Variants in OPHN1 observed in about 807,000 individuals in gnomAD.
OPHN1 encodes the protein oligophrenin 1.
In OPHN1, 11 loss-of-function variants were observed where a neutral mutation model predicts 60.7. The observed-to-expected ratio is 0.18, with a 90% CI of 0.11 to 0.30. The LOEUF (loss-of-function observed/expected upper bound fraction) is 0.30. Ranked by LOEUF, OPHN1 falls within the 10% of genes least tolerant of loss-of-function variation. OPHN1 has a pLI of 1.00. For missense variants in OPHN1, 449 were observed against 611.0 expected, an observed-to-expected ratio of 0.73 and a Z score of 2.80; for synonymous variants, 226 against 222.6, an observed-to-expected ratio of 1.02 and a Z score of -0.14.
Position 68,096,997 on chromosome X carries a change from G to T in OPHN1, c.1559C>A (p.Thr520Asn), listed in dbSNP as rs1287296404. 8 of 1,207,488 alleles carry T rather than the reference G, an allele frequency of 6.6e-6. No homozygotes were observed. The African/African-American group carries it at 1.4e-4, about 21-fold the overall frequency. ...AAAGATTACTCCCATGTTGGAGGGG[G>T]TCATAAGATTCTCTTTGCTGTGCTC... ...VCEHSKENLM[T>N]PSNMGVIFGP... The change falls in exon 19 of 25, where the codon ACC (threonine) becomes AAC (asparagine). Residue 520 changes from threonine to asparagine, a missense_variant. Around this residue, in one of 4 missense-constraint regions of OPHN1, gnomAD observed 166 missense variants for 278.4 expected, o/e 0.60. Transcript: ENST00000355520.
chrX:68,080,484 A>G (rs756439640), intron 19 of OPHN1, among the ~76,000 whole-genome samples: 1 of 112,317 alleles, frequency 8.9e-6, no homozygotes, highest in East Asian at 2.8e-4. Flanking sequence ...CTGGGCACCC[A>G]TGCCTACCTT....
At chrX:68,132,749 AAAAAAAG>A (rs1251971595) in intron 15 of OPHN1, 13 of 133,213 alleles carry the variant, frequency 9.8e-5, no homozygotes, top group South Asian at 3.5e-4. Flanking sequence ...CAAAAAAAAA[AAAAAAAG>A]AAAAAAAGAA....
chrX:68,372,962 C>T (rs1418090708), intron 2 of OPHN1, among the ~76,000 whole-genome samples: 2 of 111,371 alleles, frequency 1.8e-5, no homozygotes, highest in African/African-American at 6.5e-5. Flanking sequence ...CTCGGGGAGA[C>T]AAAGGAGAGT....
At chrX:68,301,392 G>T (rs1180762166) in intron 2 of OPHN1, among the ~76,000 whole-genome samples, 1 of 98,023 alleles carries the variant, frequency 1.0e-5, no homozygotes, top group Admixed American at 1.2e-4. Context: ...GTTGCAGCGA[G>T]CCGAGATCAT....
intron 5 of OPHN1, among the ~76,000 whole-genome samples, chrX:68,236,340 G>A (rs938600365): frequency 8.9e-6 from 1 of 111,791 alleles, no homozygotes; most frequent in Non-Finnish European, 1.9e-5. Flanking sequence ...ACCAAGGACC[G>A]ATAAGATTCT....
At chrX:68,241,728 C>T (rs908859194) in intron 5 of OPHN1, among the ~76,000 whole-genome samples, 8 of 110,637 alleles carry the variant, frequency 7.2e-5, no homozygotes, top group Middle Eastern at 4.2e-3. Flanking sequence ...AAGACTAGCC[C>T]GGCCAACATG....
intron 2 of OPHN1, among the ~76,000 whole-genome samples, chrX:68,349,710 A>G (rs1182627359): frequency 8.9e-6 from 1 of 112,052 alleles, no homozygotes; most frequent in Non-Finnish European, 1.9e-5. Flanking sequence ...CATATACACC[A>G]TGGAATCCTA....
chrX:68,211,933 G>A (rs375153507), intron 8 of OPHN1, among the ~76,000 whole-genome samples, 175 bp downstream of exon 8: 23 of 112,122 alleles, frequency 2.1e-4, no homozygotes, highest in African/African-American at 6.5e-4. Flanking sequence ...CAGGAAAGAT[G>A]TGAAAGTGGA....
chrX:68,392,843 G>A (rs1433692926), intron 2 of OPHN1, among the ~76,000 whole-genome samples: 4 of 109,058 alleles, frequency 3.7e-5, no homozygotes, highest in Non-Finnish European at 7.6e-5. Flanking sequence ...CTTCCCACTC[G>A]ATCCCCCCTT....
chrX:68,192,686 G>A (rs969113700), intron 15 of OPHN1: 1 of 391,764 alleles, frequency 2.6e-6, no homozygotes, highest in Non-Finnish European at 4.5e-6. Context: ...GAAAGAAGTT[G>A]TATTGCTGAG....
chrX:68,213,401 T>G (rs1171536104), intron 7 of OPHN1, among the ~76,000 whole-genome samples: 1 of 110,236 alleles, frequency 9.1e-6, no homozygotes, highest in African/African-American at 3.3e-5. Context: ...CAAAACGAAG[T>G]AAATGGAATG....
At chrX:68,338,588 T>C (rs2078335319) in intron 2 of OPHN1, among the ~76,000 whole-genome samples, 1 of 111,840 alleles carries the variant, frequency 8.9e-6, no homozygotes, top group African/African-American at 3.2e-5. Flanking sequence ...CAACTCAGTC[T>C]GTAAGGCCAG....
chrX:68,286,260 A>G (rs1431014922), intron 3 of OPHN1, among the ~76,000 whole-genome samples: 2 of 111,784 alleles, frequency 1.8e-5, no homozygotes, highest in African/African-American at 3.3e-5. Flanking sequence ...TGAAACCACT[A>G]AAGTCTCTGG....
rs774903073 is a variant in OPHN1 at position 68,053,783 on chromosome X, C to T, written c.2186G>A (p.Arg729Gln). The T allele has an allele frequency of 8.3e-7, 1 of 1,209,998 alleles. No individual in the cohort carries two copies. The highest frequency in any genetic ancestry group is 1.1e-6 in the Non-Finnish European group (1 of 895,069). The change falls in exon 22 of 25, where the codon CGG becomes CAG. Residue 729 changes from arginine to glutamine, a missense_variant. By Grantham distance (43) the Arg-to-Gln change is conservative. Coordinates refer to ENST00000355520, the MANE Select transcript of OPHN1 (RefSeq NM_002547.3). ...GATGGTTGGCTTTTCTCCTGGAGGCCGCACTTTGCTGAAACTGTCAGCATC... is the reference window on the plus strand; with the variant it reads ...GATGGTTGGCTTTTCTCCTGGAGGCTGCACTTTGCTGAAACTGTCAGCATC... ...EGDADSFSKVRPPGEKPTIIR... is the reference protein window; with the variant it reads ...EGDADSFSKVQPPGEKPTIIR...
rs150828127 is a variant in OPHN1, at chrX:68,063,197, A to C, written c.2158+657T>G. ...AGCAGCCTCCATTTCCAAATTAAAA[A>C]AAACAAACAAACAAAAAAAAAAACA... On this transcript the variant is annotated intron_variant, in intron 21 of 24. Coordinates refer to ENST00000355520, the MANE Select transcript of OPHN1 (RefSeq NM_002547.3). 5.7e-3 allele frequency among the ~76,000 whole-genome samples: 626 copies of C among 110,619 alleles called. 4 individuals carry two copies. The highest frequency in any genetic ancestry group is 7.1e-3 in the Non-Finnish European group (376 of 52,928).
chrX:68,309,173 T>C (rs2078160921), intron 2 of OPHN1, among the ~76,000 whole-genome samples: 1 of 111,355 alleles, frequency 9.0e-6, no homozygotes, highest in Non-Finnish European at 1.9e-5. Flanking sequence ...AACATAAACT[T>C]CTGTACAATC....
At chrX:68,258,965 T>A (rs1410656716) in intron 5 of OPHN1, among the ~76,000 whole-genome samples, 1 of 112,272 alleles carries the variant, frequency 8.9e-6, no homozygotes, top group East Asian at 2.8e-4. Flanking sequence ...AGTGATGATA[T>A]AAATTGACAC....
At chrX:68,373,576 C>A (rs757200982) in intron 2 of OPHN1, among the ~76,000 whole-genome samples, 2 of 111,532 alleles carry the variant, frequency 1.8e-5, no homozygotes, top group East Asian at 5.6e-4. Context: ...TCTACCAGAA[C>A]CCTACCTCAG....
intron 2 of OPHN1, among the ~76,000 whole-genome samples, chrX:68,417,172 T>C (rs1326012684): frequency 9.0e-6 from 1 of 111,417 alleles, no homozygotes; most frequent in Non-Finnish European, 1.9e-5. Context: ...CTCGGCTCAC[T>C]GCAACTTCCA....
Sources: allele counts gnomAD v4.1 joint callset (sites outside exome capture counted in the v4.1 genomes callset), GRCh38; gene constraint gnomAD v4.1.1; regional missense constraint gnomAD v4.1.1; transcripts MANE v1.5; gene names NCBI Gene and HGNC (gene_info 2026-07-23, HGNC 2026-07-21).